Variants in DENND4A observed in about 807,000 individuals in gnomAD.
DENND4A encodes the protein C-myc promoter-binding protein.
DENND4A carries 70 observed loss-of-function variants against 199.3 expected under a neutral mutation model. The ratio of observed to expected loss-of-function variants is 0.35; its 90% confidence interval spans 0.29 to 0.43. DENND4A has a LOEUF of 0.43. Among genes scored for constraint, DENND4A ranks in the 20% least tolerant of loss-of-function variants. DENND4A has a pLI of 1.00. For synonymous variants in DENND4A, 686 were observed against 766.9 expected (o/e 0.89, Z 1.74); for missense variants, 1,723 against 2,255.8 (o/e 0.76, Z 4.78).
rs1326119880 is a variant in DENND4A, at chr15:65,664,385, G to T, written c.5532C>A (p.Tyr1844Ter). ...CAAGTGAGAGAAATAGTATTTCTCT[G>T]TATAAACTCCTAGGGAGAAAAAGTC... is the stretch of plus-strand genomic sequence containing the variant. Reference protein sequence around the residue: ...CPHFKRQRSLYREILFLSLVA... With the variant: ...CPHFKRQRSL The change falls in exon 32 of 33, where the codon TAC becomes TAA. Residue 1844 changes from tyrosine to a stop codon, truncating the protein, a stop_gained. Transcript: ENST00000443035. LOFTEE classifies it high-confidence loss of function. 1 of 1,601,730 alleles carries T rather than the reference G, an allele frequency of 6.2e-7. No individual in the cohort carries two copies.
intron 5 of DENND4A, among the ~76,000 whole-genome samples, chr15:65,739,259 A>G (rs979368403): frequency 2.0e-5 from 3 of 152,204 alleles, no homozygotes; most frequent in Non-Finnish European, 4.4e-5. Context: ...TCAGCTCTCA[A>G]TAACTTTTAC....
chr15:65,662,683 T>C (rs2141814554), intron 32 of DENND4A, among the ~76,000 whole-genome samples: 1 of 152,346 alleles, frequency 6.6e-6, no homozygotes, highest in East Asian at 1.9e-4. Context: ...AAACACATAC[T>C]GGATAAAAAT....
intron 11 of DENND4A, 85 bp downstream of exon 11, chr15:65,728,987 T>G: frequency 7.7e-7 from 1 of 1,298,352 alleles, no homozygotes. Context: ...AAAAGAATCC[T>G]ACTTAACAAT....
intron 1 of DENND4A, chr15:65,771,468 C>G (rs2077122242): frequency 2.7e-5 from 44 of 1,608,742 alleles, no homozygotes; most frequent in Non-Finnish European, 3.7e-5. Context: ...TGCCCTGTTC[C>G]AGATCTGGGA....
rs2075798551 is a variant in DENND4A, at chr15:65,659,753, A to C, written c.*2098T>G. On this transcript the variant is annotated 3_prime_UTR_variant, in exon 33 of 33. Transcript: ENST00000443035. ...ATAATATTCCCTAGGGATTAAAAGT[A>C]GGGGAAATACAACCCTCTCCAAAAG... is the stretch of plus-strand genomic sequence containing the variant. 6.5e-6 allele frequency: 1 copy of C among 153,786 alleles called. No homozygotes were observed. The highest frequency in any genetic ancestry group is 2.0e-4 in the South Asian group (1 of 4,932). The allele number at this position is 153,786 out of a possible 1,614,324, so 9.5% of individuals were successfully genotyped here.
chr15:65,688,522 ACTG>A (rs1394273234), intron 23 of DENND4A, among the ~76,000 whole-genome samples: 1 of 152,198 alleles, frequency 6.6e-6, no homozygotes, highest in East Asian at 1.9e-4. Flanking sequence ...TTATATTCAG[ACTG>A]TAATTTGTGT....
chr15:65,706,118 T>A lies in DENND4A; in HGVS notation c.2060A>T (p.Asn687Ile). Residue 687 changes from asparagine to isoleucine, a missense_variant, in exon 15 of 33, where the codon AAT becomes ATT. By Grantham distance (149) the Asn-to-Ile change is moderately radical. Around this residue, in one of 6 missense-constraint regions of DENND4A, gnomAD observed 725 missense variants for 952.9 expected, o/e 0.76. Coordinates refer to ENST00000443035, the MANE Select transcript of DENND4A (RefSeq NM_001320835.1). ...GTACTGTAAAGGGGGTTCTTCACCATTGGGTAGGTGGGGGATCTCAGGTGG... is the reference window on the plus strand; with the variant it reads ...GTACTGTAAAGGGGGTTCTTCACCAATGGGTAGGTGGGGGATCTCAGGTGG... ...VTPPEIPHLP[N>I]GEEPPLQYSY... 6.2e-7 allele frequency: 1 copy of A among 1,605,066 alleles called. No individual in the cohort carries two copies. Among genetic ancestry groups the A allele is most frequent in the Non-Finnish European group, 8.5e-7 (1 of 1,175,934 alleles).
chr15:65,771,882 T>C (rs2077139718), intron 1 of DENND4A: 2 of 1,611,798 alleles, frequency 1.2e-6, no homozygotes, highest in South Asian at 2.2e-5. Context: ...CATCTGTTGC[T>C]CCAGGTGCAT....
Position 65,660,472 on chromosome 15 carries a change from GGGAATTCCTTCACTAAT to G in DENND4A, c.*1362_*1378del, listed in dbSNP as rs2075817278. ...TTTTTTCCTTCTTTAAAGCTGGCTA[GGGAATTCCTTCACTAAT>G]GATAATGTGTGCAAACACACACACA... On this transcript the variant is annotated 3_prime_UTR_variant, in exon 33 of 33. Coordinates refer to ENST00000443035, the MANE Select transcript of DENND4A (RefSeq NM_001320835.1). The G allele has an allele frequency of 1.8e-6, 1 of 544,932 alleles. No individual in the cohort carries two copies. Among genetic ancestry groups the G allele is most frequent in the Non-Finnish European group, 3.2e-6 (1 of 309,116 alleles). 33.8% of individuals were successfully genotyped at this position (544,932 alleles called of 1,614,324 possible).
rs765627349 is a variant in DENND4A at position 65,729,233 on chromosome 15, G to C, written c.1326C>G (p.Phe442Leu). The C allele has an allele frequency of 7.6e-6, 12 of 1,575,956 alleles. No homozygotes were observed. Among genetic ancestry groups the C allele is most frequent in the Non-Finnish European group, 1.0e-5 (12 of 1,159,946 alleles). ...TEALVSMIFP[F>L]HWPCPYVPLC... Reference sequence around the variant, plus strand: ...GAGGAACATACGGGCATGGCCAGTGGAAAGGGAAAATCATCTTGGATAAAC... The same window carrying C: ...GAGGAACATACGGGCATGGCCAGTGCAAAGGGAAAATCATCTTGGATAAAC... Residue 442 changes from phenylalanine to leucine, a missense_variant, in exon 11 of 33, where the codon TTC becomes TTG. Coordinates refer to ENST00000443035, the MANE Select transcript of DENND4A (RefSeq NM_001320835.1).
At chr15:65,746,998 C>T (rs984629064) in intron 4 of DENND4A, among the ~76,000 whole-genome samples, 1 of 150,520 alleles carries the variant, frequency 6.6e-6, no homozygotes, top group Non-Finnish European at 1.5e-5. Flanking sequence ...CCCAGCTACT[C>T]GGGAGGTTGG....
intron 23 of DENND4A, among the ~76,000 whole-genome samples, chr15:65,679,844 T>C (rs1043777530): frequency 1.4e-4 from 21 of 152,150 alleles, no homozygotes; most frequent in Admixed American, 1.1e-3. Context: ...TGGAAGAGAA[T>C]GTACAGGGCG....
chr15:65,780,136 G>C lies in DENND4A; in HGVS notation c.-102+11874C>G, dbSNP rs192645975. 1.2e-3 allele frequency among the ~76,000 whole-genome samples: 187 copies of C among 152,158 alleles called. 1 individual carries two copies. Among genetic ancestry groups the C allele is most frequent in the African/African-American group, 4.3e-3 (180 of 41,514 alleles). ...ATTTTTAATGACATATTGCGGGCTCGAGAGATCCGTACGCCTTGGCCTCCC... is the reference window on the plus strand; with the variant it reads ...ATTTTTAATGACATATTGCGGGCTCCAGAGATCCGTACGCCTTGGCCTCCC... On this transcript the variant is annotated intron_variant, in intron 1 of 32. Transcript: ENST00000443035.
rs924902782 is a variant in DENND4A, at chr15:65,737,848, T to C, written c.899A>G (p.Lys300Arg). The C allele has an allele frequency of 1.2e-6, 2 of 1,604,704 alleles. No individual in the cohort carries two copies. The highest frequency in any genetic ancestry group is 2.2e-5 in the East Asian group (1 of 44,678). ...ATGAATTGTTTTGGAACTATCAGACTTCCCATCTGCTGATGTTAAACCCAA... is the reference window on the plus strand; with the variant it reads ...ATGAATTGTTTTGGAACTATCAGACCTCCCATCTGCTGATGTTAAACCCAA... ...LLLGLTSADG[K>R]SDSSKTIHTN... Residue 300 changes from lysine to arginine, a missense_variant, in exon 7 of 33, where the codon AAG (lysine) becomes AGG (arginine). By Grantham distance (26) the Lys-to-Arg change is conservative (BLOSUM62 2). Coordinates refer to ENST00000443035, the MANE Select transcript of DENND4A (RefSeq NM_001320835.1).
intron 2 of DENND4A, among the ~76,000 whole-genome samples, chr15:65,759,152 A>G (rs2076787373): frequency 6.6e-6 from 1 of 152,162 alleles, no homozygotes; most frequent in African/African-American, 2.4e-5. Context: ...TCATCACTCA[A>G]ATATACTCTA....
intron 14 of DENND4A, among the ~76,000 whole-genome samples, chr15:65,711,981 C>G (rs775628897): frequency 6.6e-6 from 1 of 152,094 alleles, no homozygotes; most frequent in Admixed American, 6.5e-5. Flanking sequence ...AAATTTAACA[C>G]GTATTTATAG....
intron 1 of DENND4A, among the ~76,000 whole-genome samples, chr15:65,763,242 A>G (rs1049686554): frequency 3.3e-5 from 5 of 152,182 alleles, no homozygotes; most frequent in African/African-American, 9.7e-5. Flanking sequence ...GGAAGAAACC[A>G]CAGCTTTAAC....
chr15:65,725,758 T>C (rs939526311), intron 11 of DENND4A, among the ~76,000 whole-genome samples: 8 of 152,174 alleles, frequency 5.3e-5, no homozygotes, highest in Non-Finnish European at 1.2e-4. Flanking sequence ...AGGCTACACA[T>C]GTAGCTTTAC....
intron 2 of DENND4A, among the ~76,000 whole-genome samples, chr15:65,757,987 G>GA (rs1213913202): frequency 1.5e-3 from 215 of 147,802 alleles, no homozygotes; most frequent in African/African-American, 5.0e-3. Context: ...ATCTCAAAAA[G>GA]AAAAAAAAAA....
Sources: gnomAD v4.1 joint callset for allele counts (sites outside exome capture counted in the v4.1 genomes callset) on GRCh38, gnomAD v4.1.1 for gene constraint, gnomAD v4.1.1 regional missense constraint, MANE v1.5 for transcripts, NCBI Gene and HGNC (gene_info 2026-07-23, HGNC 2026-07-21) for gene names.